Variants in UBE2E2 observed in about 807,000 individuals in gnomAD.
UBE2E2 encodes ubiquitin conjugating enzyme E2 E2, also known as ubiquitin-conjugating enzyme E2 E2.
In UBE2E2, 6 loss-of-function variants were observed where a neutral mutation model predicts 24.7. The observed-to-expected ratio is 0.24, with a 90% CI of 0.13 to 0.48. The LOEUF (loss-of-function observed/expected upper bound fraction) is 0.48. Among genes scored for constraint, UBE2E2 ranks in the 20% least tolerant of loss-of-function variants. The pLI, the probability that UBE2E2 is intolerant of heterozygous loss-of-function variation, is 0.99. For missense variants in UBE2E2, 169 were observed against 245.0 expected, an observed-to-expected ratio of 0.69 and a Z score of 2.07; for synonymous variants, 104 against 83.6, an observed-to-expected ratio of 1.24 and a Z score of -1.33.
At chr3:23,323,291 CT>C (rs1694794166) in intron 3 of UBE2E2, among the ~76,000 whole-genome samples, 1 of 152,020 alleles carries the variant, frequency 6.6e-6, no homozygotes, top group Admixed American at 6.6e-5. Flanking sequence ...TAATTTGCTC[CT>C]ATAGTTACCC....
intron 3 of UBE2E2, among the ~76,000 whole-genome samples, chr3:23,305,931 T>A (rs1332751175): frequency 2.6e-5 from 4 of 152,166 alleles, no homozygotes; most frequent in Non-Finnish European, 4.4e-5. Context: ...TTTACTTTGG[T>A]ATTCTCTAAG....
chr3:23,218,225 GA>G (rs1696532312), intron 3 of UBE2E2, among the ~76,000 whole-genome samples: 1 of 152,068 alleles, frequency 6.6e-6, no homozygotes, highest in Admixed American at 6.6e-5. Flanking sequence ...TTTTGTGTAG[GA>G]AAAATTCTAA....
intron 3 of UBE2E2, among the ~76,000 whole-genome samples, chr3:23,417,332 C>A (rs1434148430): frequency 6.6e-6 from 1 of 152,200 alleles, no homozygotes; most frequent in African/African-American, 2.4e-5. Context: ...CTGGAGTTTG[C>A]TGGAGGTCCA....
chr3:23,361,493 C>T (rs989607201), intron 3 of UBE2E2, among the ~76,000 whole-genome samples: 3 of 152,210 alleles, frequency 2.0e-5, no homozygotes, highest in Admixed American at 6.5e-5. Flanking sequence ...GACTACTACT[C>T]AGCCATTAAA....
At chr3:23,516,229 A>G (rs1694737963) in intron 4 of UBE2E2, among the ~76,000 whole-genome samples, 1 of 152,116 alleles carries the variant, frequency 6.6e-6, no homozygotes, top group Admixed American at 6.5e-5. Context: ...CAAAAATATT[A>G]GGGGGAGAAA....
chr3:23,499,480 A>G (rs1178826058), intron 3 of UBE2E2, 128 bp from the exon 4 acceptor site: 22 of 1,142,192 alleles, frequency 1.9e-5, no homozygotes, highest in Non-Finnish European at 1.6e-5. Flanking sequence ...GAATCTTAAC[A>G]TGAGAGTTAA....
intron 5 of UBE2E2, among the ~76,000 whole-genome samples, chr3:23,581,795 A>G (rs75027996): frequency 0.022 from 3,410 of 152,266 alleles, 146 homozygotes; most frequent in African/African-American, 0.077. Context: ...ACCAAGATAG[A>G]ATGTTCTTTG....
intron 3 of UBE2E2, among the ~76,000 whole-genome samples, chr3:23,475,569 A>G (rs1276432260): frequency 6.6e-6 from 1 of 152,086 alleles, no homozygotes; most frequent in Non-Finnish European, 1.5e-5. Flanking sequence ...GTTCCATGAA[A>G]GGGTCATATA....
rs145419158 is a variant in UBE2E2 at position 23,461,437 on chromosome 3, A to G, written c.228-38171A>G. ...TTCAGCAGTGTGGTAGAGGAATCCT[A>G]TTCTTGACTCTTGACTCATACATAT... On this transcript the variant is annotated intron_variant, in intron 3 of 5. Transcript: ENST00000396703. Among the ~76,000 whole-genome samples, 13 of 152,128 alleles carry G rather than the reference A, an allele frequency of 8.5e-5. No homozygotes were observed. In the East Asian group the frequency reaches 9.7e-4, roughly 11 times the overall value.
chr3:23,395,500 C>T (rs758870018), intron 3 of UBE2E2, among the ~76,000 whole-genome samples: 13 of 152,156 alleles, frequency 8.5e-5, no homozygotes, highest in Admixed American at 3.3e-4. Context: ...AAGCATTCAA[C>T]AGTAGTCACT....
intron 3 of UBE2E2, among the ~76,000 whole-genome samples, chr3:23,433,291 A>T (rs1023335001): frequency 2.0e-5 from 3 of 151,924 alleles, no homozygotes; most frequent in African/African-American, 7.2e-5. Flanking sequence ...ATAATAATAA[A>T]AAATTATAAG....
chr3:23,266,251 T>C (rs1312076202), intron 3 of UBE2E2, among the ~76,000 whole-genome samples: 1 of 152,232 alleles, frequency 6.6e-6, no homozygotes, highest in Non-Finnish European at 1.5e-5. Flanking sequence ...TCGATGGTCT[T>C]TACAATTTGG....
At chr3:23,260,048 G>A (rs1490023035) in intron 3 of UBE2E2, among the ~76,000 whole-genome samples, 1 of 152,096 alleles carries the variant, frequency 6.6e-6, no homozygotes, top group Non-Finnish European at 1.5e-5. Flanking sequence ...TGACATCCCT[G>A]GTTTATCTTT....
At chr3:23,464,230 T>C (rs1316326164) in intron 3 of UBE2E2, among the ~76,000 whole-genome samples, 2 of 152,158 alleles carry the variant, frequency 1.3e-5, no homozygotes, top group Non-Finnish European at 1.5e-5. Flanking sequence ...GGCTGTTTAA[T>C]CTACTATTTA....
intron 3 of UBE2E2, among the ~76,000 whole-genome samples, chr3:23,399,860 G>A (rs1697175466): frequency 6.6e-6 from 1 of 152,192 alleles, no homozygotes; most frequent in South Asian, 2.1e-4. Context: ...GGAAATGGAA[G>A]AAGAAAACAG....
intron 3 of UBE2E2, among the ~76,000 whole-genome samples, chr3:23,451,127 C>T (rs1341712724): frequency 6.6e-6 from 1 of 152,130 alleles, no homozygotes; most frequent in African/African-American, 2.4e-5. Context: ...TAACTGGGCA[C>T]GGTGGTGCAC....
At chr3:23,419,820 T>G (rs1559378506) in intron 3 of UBE2E2, among the ~76,000 whole-genome samples, 1 of 152,200 alleles carries the variant, frequency 6.6e-6, no homozygotes, top group Non-Finnish European at 1.5e-5. Context: ...GGAACCTGGT[T>G]AGTTGACATA....
Position 23,326,216 on chromosome 3 carries a change from C to T in UBE2E2, c.227+108904C>T, listed in dbSNP as rs188308256. The stretch of plus-strand genomic sequence containing the variant: ...CCTCCCGAGTAGCTGGGATTACAGG[C>T]GCCTGCCACCAAGCCTGGCTAATTT... On this transcript the variant is annotated intron_variant, in intron 3 of 5. Transcript: ENST00000396703. Among the ~76,000 whole-genome samples the T allele has an allele frequency of 2.2e-3, 338 of 152,188 alleles. 3 individuals carry two copies. The highest frequency in any genetic ancestry group is 7.8e-3 in the African/African-American group (322 of 41,528).
chr3:23,376,730 T>A (rs1455579052), intron 3 of UBE2E2, among the ~76,000 whole-genome samples: 1 of 152,226 alleles, frequency 6.6e-6, no homozygotes, highest in East Asian at 1.9e-4. Context: ...CCTGTGGCAA[T>A]GTCACAGCAT....
Sources: gnomAD v4.1 joint callset for allele counts (sites outside exome capture counted in the v4.1 genomes callset) on GRCh38, gnomAD v4.1.1 for gene constraint, MANE v1.5 for transcripts, NCBI Gene and HGNC (gene_info 2026-07-23, HGNC 2026-07-21) for gene names.